Variants in TAOK1 observed in about 807,000 individuals in gnomAD.
The protein encoded by TAOK1 is serine/threonine-protein kinase TAO1.
TAOK1 carries 21 observed loss-of-function variants against 138.3 expected under a neutral mutation model. That is an observed-to-expected ratio of 0.15 (90% CI 0.11 to 0.22). TAOK1 has a LOEUF of 0.22. Among genes scored for constraint, TAOK1 ranks in the 10% least tolerant of loss-of-function variants. The pLI, the probability that TAOK1 is intolerant of heterozygous loss-of-function variation, is 1.00. For synonymous variants in TAOK1, 361 were observed against 398.4 expected (o/e 0.91, Z 1.12); for missense variants, 651 against 1,227.7 (o/e 0.53, Z 7.02).
chr17:29,403,039 C>G (rs1181685480), intron 1 of TAOK1, among the ~76,000 whole-genome samples: 3 of 150,878 alleles, frequency 2.0e-5, no homozygotes, highest in Non-Finnish European at 4.4e-5. Context: ...CGGGCACCTG[C>G]AATCCCAGCT....
intron 12 of TAOK1, 93 bp from the exon 13 acceptor site, chr17:29,502,492 AGATT>A: frequency 3.8e-6 from 5 of 1,332,990 alleles, no homozygotes; most frequent in African/African-American, 1.5e-5. Flanking sequence ...TATGTCTTTG[AGATT>A]GATTGATCAA....
intron 1 of TAOK1, among the ~76,000 whole-genome samples, chr17:29,417,341 G>T (rs1302235331): frequency 6.6e-6 from 1 of 152,064 alleles, no homozygotes; most frequent in Non-Finnish European, 1.5e-5. Flanking sequence ...AAGTTGGGTT[G>T]TTTGTTTTCT....
rs375392341 is a variant in TAOK1 at position 29,534,104 on chromosome 17, T to C, written c.2362-14T>C. ...GATATATCTTTTTTTTTTCTCTCTC[T>C]CTCTCTGTCTCAGCTGCGTTTGGAT... On this transcript the variant is annotated splice_polypyrimidine_tract_variant and intron_variant, in intron 18 of 19. Coordinates refer to ENST00000261716, the MANE Select transcript of TAOK1 (RefSeq NM_020791.4). The C allele has an allele frequency of 1.9e-6, 3 of 1,581,612 alleles. No individual in the cohort carries two copies. In the African/African-American group the frequency reaches 4.1e-5, roughly 22 times the overall value.
intron 19 of TAOK1, among the ~76,000 whole-genome samples, chr17:29,542,278 G>A (rs1457540686): frequency 1.3e-5 from 2 of 151,996 alleles, no homozygotes; most frequent in Non-Finnish European, 2.9e-5. Flanking sequence ...TTACCTATTG[G>A]GTACAGTGTT....
At chr17:29,465,644 T>C (rs1417565412) in intron 2 of TAOK1, among the ~76,000 whole-genome samples, 1 of 152,130 alleles carries the variant, frequency 6.6e-6, no homozygotes, top group Non-Finnish European at 1.5e-5. Context: ...ATTTTGTCTT[T>C]GGGAATTCAT....
rs777328070 is a variant in TAOK1, at chr17:29,510,861, T to C, written c.1576-3T>C. 31 of 1,576,486 alleles carry C rather than the reference T, an allele frequency of 2.0e-5. No individual in the cohort carries two copies. The Middle Eastern group carries it at 1.4e-3, about 70-fold the overall frequency. On this transcript the variant is annotated splice_polypyrimidine_tract_variant and splice_region_variant and intron_variant, in intron 14 of 19. Coordinates refer to ENST00000261716, the MANE Select transcript of TAOK1 (RefSeq NM_020791.4). ...TTTGATTCATTTTTTAAACTTCATA[T>C]AGGCTAAAGTGATGTCCAATGAAGA... is the stretch of plus-strand genomic sequence containing the variant.
intron 17 of TAOK1, among the ~76,000 whole-genome samples, chr17:29,524,265 T>C (rs1317685536): frequency 6.6e-6 from 1 of 152,184 alleles, no homozygotes; most frequent in East Asian, 1.9e-4. Flanking sequence ...CAATCTCCCA[T>C]GAACAGATTT....
rs146614528 is a variant in TAOK1, at chr17:29,398,563, C to G, written c.-95+7539C>G. ...TCTTTTTTAGAGATGGAGTTTTGCT[C>G]TTGTTGCCCAGGCTGGAGTGCAATG... On this transcript the variant is annotated intron_variant, in intron 1 of 19. Coordinates refer to ENST00000261716, the MANE Select transcript of TAOK1 (RefSeq NM_020791.4). 1.1e-3 allele frequency among the ~76,000 whole-genome samples: 162 copies of G among 151,026 alleles called. 6 individuals carry two copies. The East Asian group carries it at 0.029, about 27-fold the overall frequency.
At chr17:29,450,849 A>AT (rs1331109988) in intron 1 of TAOK1, among the ~76,000 whole-genome samples, 1 of 152,190 alleles carries the variant, frequency 6.6e-6, no homozygotes, top group Non-Finnish European at 1.5e-5. Flanking sequence ...GTAATCTGAT[A>AT]TAAAGGAATT....
chr17:29,465,837 CTTT>C (rs3058623), intron 2 of TAOK1, among the ~76,000 whole-genome samples: 8 of 45,448 alleles, frequency 1.8e-4, no homozygotes, highest in African/African-American at 6.9e-4. Flanking sequence ...AGTTTCTGTG[CTTT>C]TTTTTTTTTT....
chr17:29,536,527 G>C (rs1301371873), intron 19 of TAOK1, among the ~76,000 whole-genome samples: 4 of 149,640 alleles, frequency 2.7e-5, no homozygotes, highest in African/African-American at 9.9e-5. Flanking sequence ...GTGAACCTGG[G>C]AGGCGGAGGT....
intron 1 of TAOK1, among the ~76,000 whole-genome samples, chr17:29,446,866 G>A (rs776537216): frequency 6.6e-6 from 1 of 151,520 alleles, no homozygotes; most frequent in Non-Finnish European, 1.5e-5. Context: ...AGCCTCCTGA[G>A]TAGCTGGGAT....
intron 12 of TAOK1, among the ~76,000 whole-genome samples, chr17:29,501,750 T>G (rs1345526610): frequency 6.6e-6 from 1 of 152,058 alleles, no homozygotes; most frequent in Non-Finnish European, 1.5e-5. Flanking sequence ...ATAAATCTAG[T>G]CATGTGCCAG....
chr17:29,468,134 A>ATTTTTTTTTTTTTTTTTTTTT (rs2030720265), intron 3 of TAOK1, among the ~76,000 whole-genome samples: 1 of 48,808 alleles, frequency 2.0e-5, no homozygotes, highest in Non-Finnish European at 3.4e-5. Flanking sequence ...GCCTGCTTTC[A>ATTTTTTTTTTTTTTTTTTTTT]ATTTTTTTTT....
At chr17:29,447,104 C>T (rs1324291504) in intron 1 of TAOK1, among the ~76,000 whole-genome samples, 3 of 149,016 alleles carry the variant, frequency 2.0e-5, no homozygotes, top group Non-Finnish European at 4.4e-5. Flanking sequence ...AGTGACTATT[C>T]GCAGGCATGA....
At position 29,498,324 on chromosome 17, in the gene TAOK1, G is replaced by A; in HGVS notation, c.1006G>A (p.Asp336Asn). The change falls in exon 12 of 20, where the codon GAT becomes AAT. Residue 336 changes from aspartate to asparagine, a missense_variant. By Grantham distance (23) the Asp-to-Asn change is conservative (BLOSUM62 1). Transcript: ENST00000261716. Reference sequence around the variant, plus strand: ...GAATGTCCTTTTCTCTTAGGAACAAGATCATGGTGTTGGCCGGACAGGAAC... The same window carrying A: ...GAATGTCCTTTTCTCTTAGGAACAAAATCATGGTGTTGGCCGGACAGGAAC... The part of the protein sequence containing the change: ...VEAQEEEEEQ[D>N]HGVGRTGTVN... 6.2e-7 allele frequency: 1 copy of A among 1,614,114 alleles called. No individual in the cohort carries two copies. Among genetic ancestry groups the A allele is most frequent in the Non-Finnish European group, 8.5e-7 (1 of 1,180,000 alleles).
intron 16 of TAOK1, among the ~76,000 whole-genome samples, chr17:29,521,926 G>A (rs1458872191): frequency 1.3e-5 from 2 of 152,174 alleles, no homozygotes; most frequent in Non-Finnish European, 2.9e-5. Flanking sequence ...TAGACTGCGT[G>A]TAAAATAATT....
At chr17:29,486,343 T>A (rs777102011) in intron 8 of TAOK1, among the ~76,000 whole-genome samples, 1 of 152,040 alleles carries the variant, frequency 6.6e-6, no homozygotes, top group Non-Finnish European at 1.5e-5. Flanking sequence ...ATAAAAAATA[T>A]TTGGCCGAGT....
chr17:29,499,442 G>C (rs2031473118), intron 12 of TAOK1, among the ~76,000 whole-genome samples: 1 of 146,936 alleles, frequency 6.8e-6, no homozygotes, highest in South Asian at 2.1e-4. Context: ...ATGTTGGCCA[G>C]GCTAGTCTCA....
Sources: gnomAD v4.1 joint callset for allele counts (sites outside exome capture counted in the v4.1 genomes callset) on GRCh38, gnomAD v4.1.1 for gene constraint, MANE v1.5 for transcripts, NCBI Gene and HGNC (gene_info 2026-07-23, HGNC 2026-07-21) for gene names.